Variants in CRLF3 observed in about 807,000 individuals in gnomAD.
CRLF3 encodes cytokine receptor like factor 3, also known as cytokine receptor-like factor 3.
CRLF3 carries 33 observed loss-of-function variants against 55.0 expected under a neutral mutation model. The ratio of observed to expected loss-of-function variants is 0.60; its 90% confidence interval spans 0.46 to 0.80. CRLF3 has a LOEUF of 0.80. Among genes scored for constraint, CRLF3 ranks in the 30% least tolerant of loss-of-function variants. The pLI, the probability that CRLF3 is intolerant of heterozygous loss-of-function variation, is 0.00. For synonymous variants in CRLF3, 238 were observed against 196.8 expected, an observed-to-expected ratio of 1.21 and a Z score of -1.75; for missense variants, 494 against 538.4, an observed-to-expected ratio of 0.92 and a Z score of 0.82.
chr17:30,794,631 C>T (rs1292982957), intron 4 of CRLF3, among the ~76,000 whole-genome samples: 1 of 152,052 alleles, frequency 6.6e-6, no homozygotes, highest in Non-Finnish European at 1.5e-5. Context: ...AACCCCATCT[C>T]TACAAAAAAT....
chr17:30,785,880 A>C, intron 7 of CRLF3, 39 bp downstream of exon 7: 1 of 1,045,710 alleles, frequency 9.6e-7, no homozygotes, highest in East Asian at 2.4e-5. Context: ...TAAAATAATT[A>C]ATATATTTCC....
chr17:30,817,975 A>G (rs1438681107), intron 1 of CRLF3, among the ~76,000 whole-genome samples: 1 of 145,474 alleles, frequency 6.9e-6, no homozygotes, highest in Non-Finnish European at 1.5e-5. Context: ...AAACTATTTC[A>G]TCTGGGCTGA....
In CRLF3 at chr17:30,793,582, T is replaced by C. The variant is rs199756129; in HGVS notation, c.694A>G (p.Thr232Ala). Residue 232 changes from threonine to alanine, a missense_variant, in exon 5 of 8, where the codon ACT becomes GCT. Physicochemically the swap from Thr to Ala is moderately conservative, Grantham distance 58. Coordinates refer to ENST00000324238, the MANE Select transcript of CRLF3 (RefSeq NM_015986.4). ...TCTATGTGCAATACTATGAATTCAG[T>C]TTCAGAACCTACATATACATCCTCA... ...HFEDVYVGSETEFIVLHIDPN... is the reference protein window; with the variant it reads ...HFEDVYVGSEAEFIVLHIDPN... The C allele has an allele frequency of 6.2e-7, 1 of 1,614,010 alleles. No homozygotes were observed. Among genetic ancestry groups the C allele is most frequent in the Non-Finnish European group, 8.5e-7 (1 of 1,179,938 alleles).
In CRLF3 at chr17:30,803,942, A is replaced by G. The variant is rs1453430927; in HGVS notation, c.296T>C (p.Ile99Thr). Reference protein sequence around the residue: ...IKPLDDCQKLIEHGVNTAEDL... With the variant: ...IKPLDDCQKLTEHGVNTAEDL... The stretch of plus-strand genomic sequence containing the variant: ...CTCTGCAGTGTTGACTCCGTGTTCT[A>G]TGAGCTTCTGGCAGTCATCTAGTGG... Residue 99 changes from isoleucine to threonine, a missense_variant, in exon 2 of 8, where the codon ATA becomes ACA. Physicochemically the swap from Ile to Thr is moderately conservative, Grantham distance 89. Coordinates refer to ENST00000324238, the MANE Select transcript of CRLF3 (RefSeq NM_015986.4). 1.2e-6 allele frequency: 2 copies of G among 1,612,312 alleles called. No individual in the cohort carries two copies. Among genetic ancestry groups the G allele is most frequent in the Non-Finnish European group, 8.5e-7 (1 of 1,180,020 alleles).
intron 6 of CRLF3, among the ~76,000 whole-genome samples, chr17:30,788,341 AAAG>A (rs1182859979): frequency 6.7e-6 from 1 of 149,788 alleles, no homozygotes; most frequent in East Asian, 1.9e-4. Context: ...AAAAAAAAGA[AAAG>A]AAAAGAAAAG....
chr17:30,784,363 C>G lies in CRLF3; in HGVS notation c.1153G>C (p.Glu385Gln). ...CTGGTGGTTCCTAGAGTCACGGCTT[C>G]AATGTCAAACGTGACAGTGGACCCA... ...TSGSTVTFDI[E>Q]AVTLGTTSNN... The change falls in exon 8 of 8, where the codon GAA becomes CAA. Residue 385 changes from glutamate (E) to glutamine (Q), a missense_variant. Transcript: ENST00000324238. The G allele has an allele frequency of 6.2e-7, 1 of 1,613,864 alleles. No individual in the cohort carries two copies. Among genetic ancestry groups the G allele is most frequent in the Non-Finnish European group, 8.5e-7 (1 of 1,179,738 alleles).
intron 2 of CRLF3, among the ~76,000 whole-genome samples, chr17:30,803,373 C>T (rs1567664567): frequency 1.3e-5 from 2 of 152,250 alleles, no homozygotes; most frequent in South Asian, 4.2e-4. Flanking sequence ...CCATGCGATA[C>T]CTAACGGTAT....
chr17:30,791,351 G>A (rs894194814), intron 6 of CRLF3, among the ~76,000 whole-genome samples: 1 of 151,426 alleles, frequency 6.6e-6, no homozygotes, highest in African/African-American at 2.4e-5. Context: ...GATTACAGGC[G>A]GGAGCCATTG....
At chr17:30,801,687 T>A (rs1459072204) in intron 2 of CRLF3, among the ~76,000 whole-genome samples, 1 of 152,138 alleles carries the variant, frequency 6.6e-6, no homozygotes, top group Non-Finnish European at 1.5e-5. Context: ...CATCTTGACA[T>A]CCCAAAGTGC....
rs1971530222 is a variant in CRLF3, at chr17:30,782,966, T to C, written c.*1221A>G. On this transcript the variant is annotated 3_prime_UTR_variant, in exon 8 of 8. Coordinates refer to ENST00000324238, the MANE Select transcript of CRLF3 (RefSeq NM_015986.4). ...TGTAGGGTGGCATAGAAGACAATTA[T>C]TTTTACATATTAAAGTCCTTCAAAT... The C allele has an allele frequency of 1.3e-5, 2 of 152,292 alleles. No homozygotes were observed. Among genetic ancestry groups the C allele is most frequent in the South Asian group, 4.1e-4 (2 of 4,822 alleles). 9.4% of individuals were successfully genotyped at this position (152,292 alleles called of 1,614,324 possible). A position where few individuals can be genotyped will look rare whatever the true frequency, so the allele number is the denominator to read the frequency against.
intron 1 of CRLF3, among the ~76,000 whole-genome samples, chr17:30,812,948 A>C (rs566364341): frequency 2.0e-5 from 3 of 152,234 alleles, no homozygotes; most frequent in Non-Finnish European, 4.4e-5. Flanking sequence ...ACTAGCTAAT[A>C]CTAAGTCTCC....
chr17:30,788,088 G>T (rs1971690941), intron 6 of CRLF3, among the ~76,000 whole-genome samples: 1 of 152,024 alleles, frequency 6.6e-6, no homozygotes, highest in Admixed American at 6.6e-5. Context: ...CAGCACTTTG[G>T]GAGGCCGAGG....
chr17:30,805,671 G>A (rs530968705), intron 1 of CRLF3, among the ~76,000 whole-genome samples: 11 of 145,212 alleles, frequency 7.6e-5, no homozygotes, highest in Admixed American at 5.0e-4. Context: ...CTGAGATCGC[G>A]CCATTGCACT....
At chr17:30,800,064 G>A (rs1369257945) in intron 2 of CRLF3, among the ~76,000 whole-genome samples, 2 of 152,170 alleles carry the variant, frequency 1.3e-5, no homozygotes, top group Non-Finnish European at 2.9e-5. Context: ...GGGACCAAAA[G>A]AAGATTAACT....
rs567256969 is a variant in CRLF3, at chr17:30,783,420, C to G, written c.*767G>C. 1 of 152,188 alleles carries G rather than the reference C, an allele frequency of 6.6e-6. No homozygotes were observed. The highest frequency in any genetic ancestry group is 1.9e-4 in the East Asian group (1 of 5,202). The allele number at this position is 152,188 out of a possible 1,614,324, so 9.4% of individuals were successfully genotyped here. A position where few individuals can be genotyped will look rare whatever the true frequency, so the allele number is the denominator to read the frequency against. On this transcript the variant is annotated 3_prime_UTR_variant, in exon 8 of 8. Transcript: ENST00000324238. ...ACACCTGAGGTCAGGAGTTCAAGAC[C>G]AGCCTGGCCAACATGGTGAAACCCT...
chr17:30,824,437 C>G, intron 1 of CRLF3, 86 bp downstream of exon 1: 15 of 1,352,064 alleles, frequency 1.1e-5, no homozygotes, highest in East Asian at 2.8e-5. Context: ...TTCGGACAGT[C>G]CCACCCCTCA....
At chr17:30,812,322 T>C (rs1904653974) in intron 1 of CRLF3, among the ~76,000 whole-genome samples, 1 of 152,138 alleles carries the variant, frequency 6.6e-6, no homozygotes, top group South Asian at 2.1e-4. Context: ...AGTACCTGTA[T>C]GCCAGGTAAA....
At chr17:30,790,352 A>G (rs953834416) in intron 6 of CRLF3, among the ~76,000 whole-genome samples, 11 of 152,196 alleles carry the variant, frequency 7.2e-5, no homozygotes, top group Admixed American at 2.0e-4. Context: ...TTTAGTTTCT[A>G]CGAAGAGCTA....
chr17:30,798,532 T>G (rs567661613), intron 2 of CRLF3, among the ~76,000 whole-genome samples: 1 of 152,194 alleles, frequency 6.6e-6, no homozygotes, highest in Non-Finnish European at 1.5e-5. Flanking sequence ...GACCTTCTCC[T>G]TCACCAAAAG....
Sources: allele counts gnomAD v4.1 joint callset (sites outside exome capture counted in the v4.1 genomes callset), GRCh38; gene constraint gnomAD v4.1.1; transcripts MANE v1.5; gene names NCBI Gene and HGNC (gene_info 2026-07-23, HGNC 2026-07-21).